Variants in TBC1D5 observed in about 807,000 individuals in gnomAD.
TBC1D5 encodes the protein TBC1 domain family, member 5.
In TBC1D5, 75 loss-of-function variants were observed where a neutral mutation model predicts 100.3. The ratio of observed to expected loss-of-function variants is 0.75; its 90% confidence interval spans 0.62 to 0.91. The LOEUF (loss-of-function observed/expected upper bound fraction) is 0.91, where lower values mean the gene tolerates loss of function less well. Ranked by LOEUF, TBC1D5 falls within the 40% of genes least tolerant of loss-of-function variation. The pLI is 0.00. For missense variants in TBC1D5, 910 were observed against 942.4 expected, an observed-to-expected ratio of 0.97 and a Z score of 0.45; for synonymous variants, 323 against 325.6, an observed-to-expected ratio of 0.99 and a Z score of 0.09.
intron 2 of TBC1D5, among the ~76,000 whole-genome samples, chr3:17,512,225 AG>A (rs2095917829): frequency 1.3e-5 from 2 of 152,094 alleles, no homozygotes; most frequent in Admixed American, 1.3e-4. Context: ...AGAATATCAA[AG>A]GTTTTTAATA....
At chr3:17,584,889 C>T (rs959552059) in intron 2 of TBC1D5, among the ~76,000 whole-genome samples, 2 of 152,166 alleles carry the variant, frequency 1.3e-5, no homozygotes, top group African/African-American at 2.4e-5. Flanking sequence ...AACTCCTGAC[C>T]TCGTATTTCA....
chr3:17,462,426 A>T (rs2095230886), intron 3 of TBC1D5, among the ~76,000 whole-genome samples: 1 of 151,058 alleles, frequency 6.6e-6, no homozygotes. Flanking sequence ...GGCTCAAGAG[A>T]TCCTCTCCTA....
At chr3:17,677,785 G>A (rs1225487798) in intron 1 of TBC1D5, among the ~76,000 whole-genome samples, 6 of 152,098 alleles carry the variant, frequency 3.9e-5, no homozygotes, top group Non-Finnish European at 8.8e-5. Flanking sequence ...AGAAAATGTG[G>A]CACATATACA....
At chr3:17,627,707 T>C (rs1281230832) in intron 1 of TBC1D5, among the ~76,000 whole-genome samples, 1 of 151,372 alleles carries the variant, frequency 6.6e-6, no homozygotes, top group Non-Finnish European at 1.5e-5. Context: ...TGTTAGGATA[T>C]AAATGAGAGA....
intron 13 of TBC1D5, among the ~76,000 whole-genome samples, chr3:17,353,274 T>C (rs1295861306): frequency 6.6e-6 from 1 of 152,080 alleles, no homozygotes; most frequent in Non-Finnish European, 1.5e-5. Flanking sequence ...CGAAAACTAT[T>C]AACATAAGAA....
chr3:17,527,997 A>G (rs553205731), intron 2 of TBC1D5, among the ~76,000 whole-genome samples: 1 of 151,532 alleles, frequency 6.6e-6, no homozygotes, highest in Non-Finnish European at 1.5e-5. Context: ...TGAACGTTGG[A>G]TCGCCTCCCA....
chr3:17,329,483 A>G lies in TBC1D5; in HGVS notation c.996-21349T>C, dbSNP rs193035497. Among the ~76,000 whole-genome samples, 11 of 152,182 alleles carry G rather than the reference A, an allele frequency of 7.2e-5. No homozygotes were observed. The East Asian group carries it at 2.1e-3, about 29-fold the overall frequency. Reference sequence around the variant, plus strand: ...GTGGTTTTATTTTTCATCAGTAACTATTGGTGGAAACACAAAAAAATAAAA... The same window carrying G: ...GTGGTTTTATTTTTCATCAGTAACTGTTGGTGGAAACACAAAAAAATAAAA... On this transcript the variant is annotated intron_variant, in intron 13 of 21. Transcript: ENST00000253692.
intron 9 of TBC1D5, among the ~76,000 whole-genome samples, chr3:17,383,410 T>G (rs1034909493): frequency 3.3e-5 from 5 of 151,928 alleles, no homozygotes; most frequent in African/African-American, 1.2e-4. Context: ...CCAATAATCT[T>G]CTTTGCTTTA....
intron 14 of TBC1D5, among the ~76,000 whole-genome samples, chr3:17,301,568 G>A (rs928669514): frequency 1.3e-4 from 20 of 152,202 alleles, no homozygotes; most frequent in African/African-American, 4.8e-4. Context: ...ATGTGGTTCT[G>A]GTACCAAGGA....
At chr3:17,507,359 T>G (rs1307352327) in intron 3 of TBC1D5, among the ~76,000 whole-genome samples, 1 of 152,078 alleles carries the variant, frequency 6.6e-6, no homozygotes, top group Non-Finnish European at 1.5e-5. Flanking sequence ...AATATAAAAA[T>G]TTAAAAATTA....
At chr3:17,212,624 T>C (rs1164930344) in intron 18 of TBC1D5, among the ~76,000 whole-genome samples, 1 of 151,916 alleles carries the variant, frequency 6.6e-6, no homozygotes, top group Non-Finnish European at 1.5e-5. Flanking sequence ...CCAAAGACCC[T>C]CCAGGGGGAC....
chr3:17,604,482 T>A (rs2061205991), intron 2 of TBC1D5, among the ~76,000 whole-genome samples: 1 of 152,328 alleles, frequency 6.6e-6, no homozygotes, highest in Admixed American at 6.5e-5. Flanking sequence ...TGGTAAATCA[T>A]TTTAATTCTC....
chr3:17,321,932 T>G (rs1420138515), intron 13 of TBC1D5, among the ~76,000 whole-genome samples: 1 of 152,220 alleles, frequency 6.6e-6, no homozygotes, highest in Non-Finnish European at 1.5e-5. Flanking sequence ...TGATTAAAGG[T>G]GAATAACTAG....
In TBC1D5 at chr3:17,164,563, C is replaced by T. The variant is rs967439562; in HGVS notation, c.2094+2204G>A. ...TGGCACAGCAGGCTGTGGAAGCCTTCGGAACTTCCACTTGGCTCTCTTGGC... is the reference window on the plus strand; with the variant it reads ...TGGCACAGCAGGCTGTGGAAGCCTTTGGAACTTCCACTTGGCTCTCTTGGC... On this transcript the variant is annotated intron_variant, in intron 21 of 21. Coordinates refer to ENST00000253692, the Ensembl canonical transcript of TBC1D5. 1.0e-3 allele frequency among the ~76,000 whole-genome samples: 158 copies of T among 152,304 alleles called. 1 individual carries two copies. The highest frequency in any genetic ancestry group is 2.2e-4 in the Non-Finnish European group (15 of 68,030).
At chr3:17,203,787 C>T (rs1243002143) in intron 18 of TBC1D5, among the ~76,000 whole-genome samples, 1 of 152,198 alleles carries the variant, frequency 6.6e-6, no homozygotes, top group Non-Finnish European at 1.5e-5. Flanking sequence ...GCTTCCTGTA[C>T]AGCCTGAAGA....
chr3:17,725,106 T>C (rs1317798421), intron 1 of TBC1D5, among the ~76,000 whole-genome samples: 2 of 152,204 alleles, frequency 1.3e-5, no homozygotes, highest in Non-Finnish European at 2.9e-5. Context: ...TAAGGGTCTA[T>C]TTCTGTCGTT....
chr3:17,418,343 C>T (rs2094132548), intron 4 of TBC1D5, among the ~76,000 whole-genome samples: 1 of 152,122 alleles, frequency 6.6e-6, no homozygotes, highest in South Asian at 2.1e-4. Context: ...TGCAGTGGCT[C>T]ATGCCCGTAA....
chr3:17,217,129 T>G (rs1018515192), intron 17 of TBC1D5, among the ~76,000 whole-genome samples: 1 of 152,144 alleles, frequency 6.6e-6, no homozygotes, highest in African/African-American at 2.4e-5. Flanking sequence ...AGTGATACTA[T>G]ATGTGGTCTT....
rs550671335 is a variant in TBC1D5 at position 17,194,719 on chromosome 3, G to A, written c.1753-9511C>T. Among the ~76,000 whole-genome samples the A allele has an allele frequency of 3.2e-3, 483 of 152,166 alleles. 2 individuals are homozygous for A. The highest frequency in any genetic ancestry group is 0.018 in the South Asian group (87 of 4,818). On this transcript the variant is annotated intron_variant, in intron 18 of 21. Transcript: ENST00000253692. ...ATATCTTTCTGAATATATGATTTCT[G>A]AAAAAATCATAAGTAATATTTATTA...
Sources: gnomAD v4.1 joint callset for allele counts (sites outside exome capture counted in the v4.1 genomes callset) on GRCh38, gnomAD v4.1.1 for gene constraint, MANE v1.5 for transcripts, NCBI Gene and HGNC (gene_info 2026-07-23, HGNC 2026-07-21) for gene names.